NEURL1: variants seen among roughly 807,000 people sequenced by gnomAD.
NEURL1 encodes neuralized E3 ubiquitin protein ligase 1.
NEURL1 carries 26 observed loss-of-function variants against 41.2 expected under a neutral mutation model. The observed-to-expected ratio is 0.63, with a 90% CI of 0.46 to 0.87. The LOEUF (loss-of-function observed/expected upper bound fraction) is 0.87. NEURL1 is among the 40% of genes least tolerant of loss of function. NEURL1 has a pLI of 0.00. For synonymous variants in NEURL1, 400 were observed against 402.3 expected (o/e 0.99, Z 0.07); for missense variants, 761 against 871.1 (o/e 0.87, Z 1.59).
At chr10:103,520,425 TG>T (rs1313726463) in intron 1 of NEURL1, among the ~76,000 whole-genome samples, 2 of 151,922 alleles carry the variant, frequency 1.3e-5, no homozygotes. Flanking sequence ...AGGTGCTCAG[TG>T]GGGGAGCTTC....
At chr10:103,532,205 G>A (rs941746643) in intron 1 of NEURL1, among the ~76,000 whole-genome samples, 1 of 152,152 alleles carries the variant, frequency 6.6e-6, no homozygotes, top group African/African-American at 2.4e-5. Context: ...ATTGTTGATA[G>A]GTGAGGACTT....
At chr10:103,562,758 G>C (rs1304903789) in intron 1 of NEURL1, among the ~76,000 whole-genome samples, 1 of 152,132 alleles carries the variant, frequency 6.6e-6, no homozygotes, top group African/African-American at 2.4e-5. Flanking sequence ...AGAGACTTCT[G>C]GGAAAAATCT....
intron 1 of NEURL1, among the ~76,000 whole-genome samples, chr10:103,509,151 G>T (rs1189904174): frequency 6.6e-6 from 1 of 150,752 alleles, no homozygotes. Context: ...AGAATCACTT[G>T]AACCCAGGAG....
At chr10:103,560,504 G>A (rs1475968211) in intron 1 of NEURL1, among the ~76,000 whole-genome samples, 1 of 152,150 alleles carries the variant, frequency 6.6e-6, no homozygotes, top group Admixed American at 6.5e-5. Flanking sequence ...TGACTATGAA[G>A]GTGCCAGTCT....
At chr10:103,503,966 T>C in intron 1 of NEURL1, among the ~76,000 whole-genome samples, 1 of 78,962 alleles carries the variant, frequency 1.3e-5, no homozygotes, top group East Asian at 3.4e-4. Flanking sequence ...GTATTTTATT[T>C]ATTTATTTAT....
chr10:103,590,833 A>G lies in NEURL1; in HGVS notation c.*461A>G. On this transcript the variant is annotated 3_prime_UTR_variant, in exon 6 of 6. Coordinates refer to ENST00000369780, the MANE Select transcript of NEURL1 (RefSeq NM_004210.5). ...GCAGCATGGAGTGGATTTTAGGCTC[A>G]TTTGCCCTCTCAGCCAACTGCCCTT... 5.3e-6 allele frequency: 1 copy of G among 188,194 alleles called. No individual in the cohort carries two copies. Among genetic ancestry groups the G allele is most frequent in the East Asian group, 1.4e-4 (1 of 7,302 alleles). The allele number at this position is 188,194 out of a possible 1,614,324, so 11.7% of individuals were successfully genotyped here.
At position 103,508,776 on chromosome 10, in the gene NEURL1, C is replaced by T. The variant is rs558057751; in HGVS notation, c.85+14304C>T. On this transcript the variant is annotated intron_variant, in intron 1 of 5. Transcript: ENST00000369780. This position sits in a 1 kb window ranked among gnomAD's most constrained non-coding sequence, Gnocchi z 4.3. ...AAAGTTTCGGCCTCAGAGGGCAGCCCGCCAGGAAACTAGGGCTCTGTGTGC... is the reference window on the plus strand; with the variant it reads ...AAAGTTTCGGCCTCAGAGGGCAGCCTGCCAGGAAACTAGGGCTCTGTGTGC... 1.8e-4 allele frequency among the ~76,000 whole-genome samples: 27 copies of T among 152,270 alleles called. No individual in the cohort carries two copies. The highest frequency in any genetic ancestry group is 9.8e-4 in the Admixed American group (15 of 15,302).
intron 1 of NEURL1, among the ~76,000 whole-genome samples, chr10:103,509,669 G>C (rs886529827): frequency 1.3e-5 from 2 of 152,170 alleles, no homozygotes; most frequent in Non-Finnish European, 2.9e-5. Context: ...TATAAGAAGA[G>C]GCCAGATCGG....
chr10:103,584,977 C>G lies in NEURL1; in HGVS notation c.1091C>G (p.Thr364Arg), dbSNP rs772791675. 6.5e-7 allele frequency: 1 copy of G among 1,531,962 alleles called. No individual in the cohort carries two copies. The highest frequency in any genetic ancestry group is 8.7e-7 in the Non-Finnish European group (1 of 1,148,790). 94.9% of individuals were successfully genotyped at this position (1,531,962 alleles called of 1,614,324 possible). A position where few individuals can be genotyped will look rare whatever the true frequency, so the allele number is the denominator to read the frequency against. ...SFGVTTCDPG[T>R]LRPADLPFSP... ...GGCGTCACCACGTGCGACCCCGGCA[C>G]GCTGCGGCCGGCCGACCTGCCTTTC... is the stretch of plus-strand genomic sequence containing the variant. The change falls in exon 4 of 6, where the codon ACG becomes AGG. Residue 364 changes from threonine to arginine, a missense_variant. Around this residue, in one of 5 missense-constraint regions of NEURL1, gnomAD observed 443 missense variants for 408.1 expected, o/e 1.09. Coordinates refer to ENST00000369780, the MANE Select transcript of NEURL1 (RefSeq NM_004210.5).
chr10:103,586,159 T>C (rs1179799188), intron 4 of NEURL1, among the ~76,000 whole-genome samples: 1 of 152,082 alleles, frequency 6.6e-6, no homozygotes, highest in Non-Finnish European at 1.5e-5. Flanking sequence ...TTGGAAGACT[T>C]CTCAGAGCCT....
rs2033627358 is a variant in NEURL1 at position 103,494,328 on chromosome 10, T to C, written c.-60T>C. ...CGCGCGCACACTCGCACACCGCACC[T>C]CAGCGCCTGCCCGGCCTCGCCCCCA... On this transcript the variant is annotated 5_prime_UTR_variant, in exon 1 of 6. Coordinates refer to ENST00000369780, the MANE Select transcript of NEURL1 (RefSeq NM_004210.5). 1.4e-6 allele frequency: 2 copies of C among 1,447,724 alleles called. No homozygotes were observed. The highest frequency in any genetic ancestry group is 1.4e-5 in the African/African-American group (1 of 69,404). 89.7% of individuals were successfully genotyped at this position (1,447,724 alleles called of 1,614,324 possible).
chr10:103,504,491 C>T (rs1414644558), intron 1 of NEURL1, among the ~76,000 whole-genome samples: 2 of 152,164 alleles, frequency 1.3e-5, no homozygotes, highest in African/African-American at 4.8e-5. Flanking sequence ...AGGTAAAGTG[C>T]CATTTCCCAT....
intron 1 of NEURL1, among the ~76,000 whole-genome samples, chr10:103,501,621 A>AT (rs1439744381): frequency 7.0e-6 from 1 of 143,634 alleles, no homozygotes; most frequent in Non-Finnish European, 1.5e-5. Flanking sequence ...CACTTTATTT[A>AT]TTATTATTAT....
In NEURL1 at chr10:103,558,434, G is replaced by A. The variant is rs2035206861; in HGVS notation, c.86-12438G>A. 6.6e-6 allele frequency among the ~76,000 whole-genome samples: 1 copy of A among 152,064 alleles called. No homozygotes were observed. Among genetic ancestry groups the A allele is most frequent in the Admixed American group, 6.6e-5 (1 of 15,264 alleles). On this transcript the variant is annotated intron_variant, in intron 1 of 5. Coordinates refer to ENST00000369780, the MANE Select transcript of NEURL1 (RefSeq NM_004210.5). The surrounding 1 kb of genome is among the most constrained non-coding windows in gnomAD (Gnocchi z 4.2). ...TCTCTAACTGTGGATTGAAGCGACTGTGTGTTGCCGGGCCTGTGTTTCCAT... is the reference window on the plus strand; with the variant it reads ...TCTCTAACTGTGGATTGAAGCGACTATGTGTTGCCGGGCCTGTGTTTCCAT...
chr10:103,498,383 C>T (rs1040395767), intron 1 of NEURL1, among the ~76,000 whole-genome samples: 2 of 152,166 alleles, frequency 1.3e-5, no homozygotes, highest in Non-Finnish European at 2.9e-5. Flanking sequence ...CCCGCCACCG[C>T]GCCCGGCTAA....
chr10:103,534,228 A>T (rs1286993677), intron 1 of NEURL1, among the ~76,000 whole-genome samples: 2 of 143,282 alleles, frequency 1.4e-5, no homozygotes, highest in Admixed American at 7.0e-5. Context: ...CTCTTTTTGA[A>T]TTCCTTTTCT....
intron 1 of NEURL1, among the ~76,000 whole-genome samples, chr10:103,568,949 G>A (rs2035482474): frequency 6.6e-6 from 1 of 152,130 alleles, no homozygotes; most frequent in African/African-American, 2.4e-5. Flanking sequence ...CGAGTAGCTG[G>A]GACTACAGGT....
intron 1 of NEURL1, among the ~76,000 whole-genome samples, chr10:103,499,861 G>A (rs888310305): frequency 1.3e-5 from 2 of 152,088 alleles, no homozygotes; most frequent in Admixed American, 6.6e-5. Context: ...TCTGCCTCCG[G>A]TCCCTCCTTC....
rs949353224 is a variant in NEURL1, at chr10:103,508,662, C to T, written c.85+14190C>T. On this transcript the variant is annotated intron_variant, in intron 1 of 5. Transcript: ENST00000369780. This position sits in a 1 kb window ranked among gnomAD's most constrained non-coding sequence, Gnocchi z 4.3. ...TTGCAGATCTGTGGGACTGAGGAGACCAGCCAGACATGCAGACCCTGATGT... is the reference window on the plus strand; with the variant it reads ...TTGCAGATCTGTGGGACTGAGGAGATCAGCCAGACATGCAGACCCTGATGT... Among the ~76,000 whole-genome samples, 1 of 152,162 alleles carries T rather than the reference C, an allele frequency of 6.6e-6. No homozygotes were observed. Among genetic ancestry groups the T allele is most frequent in the African/African-American group, 2.4e-5 (1 of 41,436 alleles).
Sources: allele counts gnomAD v4.1 joint callset (sites outside exome capture counted in the v4.1 genomes callset), GRCh38; gene constraint gnomAD v4.1.1; regional missense constraint gnomAD v4.1.1; non-coding constraint Gnocchi (gnomAD v3.1); transcripts MANE v1.5; gene names NCBI Gene and HGNC (gene_info 2026-07-23, HGNC 2026-07-21).